The following TSPAN4 variants were observed in gnomAD, a reference collection of about 807,000 sequenced individuals.
The protein encoded by TSPAN4 is tetraspanin-4.
TSPAN4 carries 38 observed loss-of-function variants against 31.5 expected under a neutral mutation model. The observed-to-expected ratio is 1.21, with a 90% CI of 0.93 to 1.58. The LOEUF is 1.58. TSPAN4 is among the 40% of genes most tolerant of loss of function. The probability of loss-of-function intolerance (pLI) is 0.00; values close to 1 mark genes in which losing one functional copy is unlikely to be tolerated. For synonymous variants in TSPAN4, 186 were observed against 144.6 expected (o/e 1.29, Z -2.06); for missense variants, 330 against 317.3 (o/e 1.04, Z -0.30).
chr11:851,168 C>G (rs961452877), intron 3 of TSPAN4, among the ~76,000 whole-genome samples: 2 of 152,208 alleles, frequency 1.3e-5, no homozygotes, highest in Non-Finnish European at 2.9e-5. Context: ...CAGGTTGGAG[C>G]AAGCCTCATG....
intron 5 of TSPAN4, chr11:864,718 C>T (rs1589796594): frequency 1.6e-6 from 1 of 636,664 alleles, no homozygotes; most frequent in Non-Finnish European, 2.7e-6. Flanking sequence ...GACTGGGGCA[C>T]AAGGGCACTG....
chr11:848,842 G>A lies in TSPAN4; in HGVS notation c.-17-1446G>A, dbSNP rs908929232. 1.3e-4 allele frequency: 86 copies of A among 674,936 alleles called. 1 individual carries two copies. The highest frequency in any genetic ancestry group is 1.1e-3 in the African/African-American group (63 of 56,086). 41.8% of individuals were successfully genotyped at this position (674,936 alleles called of 1,614,324 possible). Reference sequence around the variant, plus strand: ...TGGGGTAGGCTGCAGGGCACAGCTGGGGGCCTCTGTCCCCATCTCCGGCTG... The same window carrying A: ...TGGGGTAGGCTGCAGGGCACAGCTGAGGGCCTCTGTCCCCATCTCCGGCTG... On this transcript the variant is annotated intron_variant, in intron 2 of 8. Transcript: ENST00000397397. The surrounding 1 kb of genome is among the most constrained non-coding windows in gnomAD (Gnocchi z 5.7).
At chr11:849,577 G>C (rs28472692) in intron 2 of TSPAN4, among the ~76,000 whole-genome samples, 147,072 of 152,122 alleles carry the variant, frequency 0.97, 71,168 homozygotes, top group East Asian at 1. Context: ...CCCGGCCCCG[G>C]CCTCCAGTCC....
chr11:851,616 A>C (rs1847733945), intron 3 of TSPAN4, among the ~76,000 whole-genome samples: 1 of 151,932 alleles, frequency 6.6e-6, no homozygotes, highest in African/African-American at 2.4e-5. Flanking sequence ...GGGGTCACCC[A>C]AGGGTTTGTT....
chr11:862,751 G>A lies in TSPAN4; in HGVS notation c.255+10G>A, dbSNP rs769499276. The stretch of plus-strand genomic sequence containing the variant: ...GTGCCTCCTGCTCACTGTGAGTGCC[G>A]GGGCCCAAGCGATGCTCCGGGTGGG... On this transcript the variant is annotated intron_variant, in intron 4 of 8. Transcript: ENST00000397397. 9.4e-6 allele frequency: 15 copies of A among 1,604,134 alleles called. No homozygotes were observed. The Admixed American group carries it at 1.7e-4, about 18-fold the overall frequency.
chr11:866,541 G>A, intron 8 of TSPAN4, 21 bp from the exon 9 acceptor site: 1 of 1,611,264 alleles, frequency 6.2e-7, no homozygotes, highest in Non-Finnish European at 8.5e-7. Context: ...GCCATGCCCA[G>A]TCCTCCTCCC....
chr11:843,948 G>A (rs1415355431), intron 1 of TSPAN4: 2 of 152,402 alleles, frequency 1.3e-5, no homozygotes, highest in Non-Finnish European at 2.9e-5. Flanking sequence ...CTGCACGCTT[G>A]GGGTTTCCGC....
chr11:865,011 C>G, intron 5 of TSPAN4: 1 of 184,126 alleles, frequency 5.4e-6, no homozygotes, highest in South Asian at 1.3e-4. Context: ...TGCTGGGTCC[C>G]CTGACGTGCC....
Position 848,693 on chromosome 11 carries a change from T to C in TSPAN4, c.-18+1393T>C. 2.0e-6 allele frequency: 1 copy of C among 512,500 alleles called. No homozygotes were observed. Among genetic ancestry groups the C allele is most frequent in the South Asian group, 2.8e-5 (1 of 35,714 alleles). 31.7% of individuals were successfully genotyped at this position (512,500 alleles called of 1,614,324 possible). A position where few individuals can be genotyped will look rare whatever the true frequency, so the allele number is the denominator to read the frequency against. On this transcript the variant is annotated intron_variant, in intron 2 of 8. Transcript: ENST00000397397. The surrounding 1 kb of genome is among the most constrained non-coding windows in gnomAD (Gnocchi z 5.7). Reference sequence around the variant, plus strand: ...AGCTTCCTCTCCCTCCTCTTCCTCCTGCCCTTCCTCATTCCCCACCTCTGG... The same window carrying C: ...AGCTTCCTCTCCCTCCTCTTCCTCCCGCCCTTCCTCATTCCCCACCTCTGG...
intron 3 of TSPAN4, among the ~76,000 whole-genome samples, chr11:861,205 G>A (rs1188704442): frequency 6.6e-6 from 1 of 152,226 alleles, no homozygotes; most frequent in African/African-American, 2.4e-5. Context: ...AAGCACTTAG[G>A]AAACACAGTA....
intron 3 of TSPAN4, chr11:856,909 T>A (rs1249037978): frequency 6.6e-6 from 1 of 152,268 alleles, no homozygotes; most frequent in Non-Finnish European, 1.5e-5. Flanking sequence ...ATTAACCACG[T>A]GCACGCATTT....
In TSPAN4 at chr11:864,292, C is replaced by G. The variant is rs1848639764; in HGVS notation, c.256-145C>G. 3.1e-6 allele frequency: 3 copies of G among 972,936 alleles called. No individual in the cohort carries two copies. The Admixed American group carries it at 5.9e-5, about 19-fold the overall frequency. The allele number at this position is 972,936 out of a possible 1,614,324, so 60.3% of individuals were successfully genotyped here. ...AGGGTTCTGAGGTGGGGGCGGCGTT[C>G]TGGGCTCTCTGGGAGTGGGGGCCTG... On this transcript the variant is annotated intron_variant, in intron 4 of 8. Transcript: ENST00000397397.
At chr11:862,798 G>A in intron 4 of TSPAN4, 57 bp downstream of exon 4, 1 of 1,504,462 alleles carries the variant, frequency 6.6e-7, no homozygotes. Flanking sequence ...TGGGGCTCCG[G>A]TGGCCCCCAG....
At chr11:856,420 G>A (rs901313343) in intron 3 of TSPAN4, among the ~76,000 whole-genome samples, 3 of 151,982 alleles carry the variant, frequency 2.0e-5, no homozygotes, top group Admixed American at 6.5e-5. Flanking sequence ...CCCAGGCACC[G>A]CTGACTGGAG....
intron 3 of TSPAN4, among the ~76,000 whole-genome samples, chr11:861,079 G>A (rs568366478): frequency 9.2e-5 from 14 of 152,172 alleles, no homozygotes; most frequent in African/African-American, 2.2e-4. Flanking sequence ...GGGTCCTGGC[G>A]GACCCCTGCT....
intron 3 of TSPAN4, among the ~76,000 whole-genome samples, chr11:856,559 C>G (rs28484939): frequency 0.99 from 151,044 of 152,354 alleles, 74,886 homozygotes; most frequent in Middle Eastern, 1. Flanking sequence ...TGGCCTGCGG[C>G]GGGGCAGCAG....
chr11:858,590 C>T (rs1005084027), intron 3 of TSPAN4: 1 of 167,242 alleles, frequency 6.0e-6, no homozygotes, highest in Non-Finnish European at 1.3e-5. Context: ...TCACACGCAC[C>T]CCTGCTCACA....
chr11:862,885 G>C, intron 4 of TSPAN4, 144 bp downstream of exon 4: 2 of 901,350 alleles, frequency 2.2e-6, no homozygotes, highest in Non-Finnish European at 3.2e-6. Flanking sequence ...AGTGTGGCCC[G>C]GGGCCCTGGC....
chr11:845,277 C>T (rs565230042), intron 1 of TSPAN4, among the ~76,000 whole-genome samples: 3 of 152,334 alleles, frequency 2.0e-5, no homozygotes, highest in East Asian at 1.9e-4. Context: ...TGCCCGACAC[C>T]TCAGCGGTGC....
Sources: gnomAD v4.1 joint callset for allele counts (sites outside exome capture counted in the v4.1 genomes callset) on GRCh38, gnomAD v4.1.1 for gene constraint, Gnocchi (gnomAD v3.1) non-coding constraint, MANE v1.5 for transcripts, NCBI Gene and HGNC (gene_info 2026-07-23, HGNC 2026-07-21) for gene names.